MAP2K1: variants seen among roughly 807,000 people sequenced by gnomAD.
MAP2K1 encodes the protein mitogen-activated protein kinase kinase 1.
In MAP2K1, 16 loss-of-function variants were observed where a neutral mutation model predicts 46.3. The observed-to-expected ratio is 0.35, with a 90% CI of 0.23 to 0.52. The LOEUF is 0.52. Among genes scored for constraint, MAP2K1 ranks in the 20% least tolerant of loss-of-function variants. The probability of loss-of-function intolerance (pLI) is 0.94; values close to 1 mark genes in which losing one functional copy is unlikely to be tolerated. For synonymous variants in MAP2K1, 183 were observed against 185.6 expected, an observed-to-expected ratio of 0.99 and a Z score of 0.11; for missense variants, 263 against 497.1, an observed-to-expected ratio of 0.53 and a Z score of 4.48.
chr15:66,390,539 G>C (rs1328291667), intron 1 of MAP2K1, among the ~76,000 whole-genome samples: 2 of 152,138 alleles, frequency 1.3e-5, no homozygotes, highest in Non-Finnish European at 2.9e-5. Context: ...GATGGAGTTG[G>C]GTAATACGGG....
chr15:66,434,977 G>C (rs2140578079), intron 1 of MAP2K1, 50 bp from the exon 2 acceptor site: 2 of 1,211,030 alleles, frequency 1.7e-6, no homozygotes, highest in Admixed American at 1.7e-5. Context: ...ACTTCTTTGG[G>C]TTGACTTCTC....
At chr15:66,432,923 T>A (rs1344190078) in intron 1 of MAP2K1, among the ~76,000 whole-genome samples, 1 of 151,040 alleles carries the variant, frequency 6.6e-6, no homozygotes, top group Non-Finnish European at 1.5e-5. Context: ...CAGTTTTTCT[T>A]CCATGCAGCC....
intron 1 of MAP2K1, among the ~76,000 whole-genome samples, chr15:66,402,225 A>G (rs891201313): frequency 6.6e-6 from 1 of 152,208 alleles, no homozygotes; most frequent in Admixed American, 6.5e-5. Flanking sequence ...TCTCTACACA[A>G]CTAGCAGGAA....
At chr15:66,439,003 G>A (rs950952256) in intron 3 of MAP2K1, among the ~76,000 whole-genome samples, 3 of 152,206 alleles carry the variant, frequency 2.0e-5, no homozygotes, top group African/African-American at 7.2e-5. Flanking sequence ...CATGTAGGAA[G>A]CAGCTGTGGC....
chr15:66,392,434 T>G (rs6494570), intron 1 of MAP2K1, among the ~76,000 whole-genome samples: 1 of 151,312 alleles, frequency 6.6e-6, no homozygotes, highest in African/African-American at 2.4e-5. Flanking sequence ...CCACCTCATC[T>G]TCCCAAAGTG....
chr15:66,445,105 C>G (rs1891829434), intron 5 of MAP2K1: 1 of 148,490 alleles, frequency 6.7e-6, no homozygotes, highest in African/African-American at 2.6e-5. Context: ...GGTACAGTGG[C>G]TCATGCCTAT....
At chr15:66,422,548 C>G (rs1351841419) in intron 1 of MAP2K1, among the ~76,000 whole-genome samples, 1 of 152,050 alleles carries the variant, frequency 6.6e-6, no homozygotes, top group Non-Finnish European at 1.5e-5. Flanking sequence ...AGAAAACACT[C>G]TTAGGTGAAA....
rs2093424402 is a variant in MAP2K1, at chr15:66,416,311, C to T, written c.81-18716C>T. ...CTGTACTTCTTCTTAGTATCCTTTC[C>T]TATGTTTGGCTTACATTGTGATACA... On this transcript the variant is annotated intron_variant, in intron 1 of 10. Transcript: ENST00000307102. 4.6e-5 allele frequency among the ~76,000 whole-genome samples: 7 copies of T among 152,146 alleles called. No homozygotes were observed. The South Asian group carries it at 1.5e-3, about 32-fold the overall frequency.
intron 5 of MAP2K1, among the ~76,000 whole-genome samples, chr15:66,452,309 A>AAAT (rs1892049153): frequency 1.3e-5 from 2 of 149,612 alleles, no homozygotes; most frequent in Admixed American, 1.3e-4. Context: ...AAAAAGAAAA[A>AAAT]AAAAAGCTAA....
intron 1 of MAP2K1, among the ~76,000 whole-genome samples, chr15:66,413,094 C>G (rs536730372): frequency 2.6e-5 from 4 of 152,176 alleles, no homozygotes; most frequent in African/African-American, 9.6e-5. Context: ...CAGGGTTTCA[C>G]CATGTTGGCC....
intron 1 of MAP2K1, among the ~76,000 whole-genome samples, chr15:66,416,412 G>A (rs2093424719): frequency 6.6e-6 from 1 of 151,644 alleles, no homozygotes; most frequent in Non-Finnish European, 1.5e-5. Flanking sequence ...TGAGGACAGG[G>A]ATCTTGTTGT....
intron 3 of MAP2K1, among the ~76,000 whole-genome samples, chr15:66,442,020 C>A (rs1236985806): frequency 6.6e-6 from 1 of 152,118 alleles, no homozygotes; most frequent in Non-Finnish European, 1.5e-5. Context: ...AATGTAGAAC[C>A]CCTTAACGGG....
chr15:66,469,093 T>C (rs1892543817), intron 5 of MAP2K1, among the ~76,000 whole-genome samples: 1 of 151,374 alleles, frequency 6.6e-6, no homozygotes, highest in African/African-American at 2.4e-5. Flanking sequence ...CCGTCTCTAC[T>C]AAAAATACAA....
chr15:66,447,132 T>C (rs1344391315), intron 5 of MAP2K1, among the ~76,000 whole-genome samples: 3 of 151,686 alleles, frequency 2.0e-5, no homozygotes, highest in Non-Finnish European at 4.4e-5. Flanking sequence ...ACAAGCCCCG[T>C]AGATTAGGTG....
intron 1 of MAP2K1, among the ~76,000 whole-genome samples, chr15:66,388,689 A>C (rs907893): frequency 6.6e-6 from 1 of 151,560 alleles, no homozygotes; most frequent in East Asian, 2.0e-4. Flanking sequence ...CTAGATTTTA[A>C]TAACCCGGGG....
chr15:66,457,720 G>A (rs1386566626), intron 5 of MAP2K1, among the ~76,000 whole-genome samples: 1 of 152,026 alleles, frequency 6.6e-6, no homozygotes, highest in Admixed American at 6.6e-5. Flanking sequence ...CCAGCACTTT[G>A]GGAGATCAAG....
intron 1 of MAP2K1, among the ~76,000 whole-genome samples, chr15:66,431,886 G>A (rs1054317822): frequency 1.8e-4 from 28 of 152,064 alleles, no homozygotes; most frequent in African/African-American, 6.0e-4. Flanking sequence ...TGTTGTTCCC[G>A]CCCCTGTGCC....
intron 1 of MAP2K1, among the ~76,000 whole-genome samples, chr15:66,396,387 G>T (rs117792781): frequency 6.6e-6 from 1 of 151,136 alleles, no homozygotes; most frequent in Non-Finnish European, 1.5e-5. Flanking sequence ...TTCCTGCCTC[G>T]GCCTCCCAAG....
intron 5 of MAP2K1, among the ~76,000 whole-genome samples, chr15:66,474,324 A>C (rs1348845077): frequency 2.0e-5 from 3 of 152,306 alleles, no homozygotes; most frequent in East Asian, 3.9e-4. Flanking sequence ...AGGAGGTGGG[A>C]AACAACCTCT....
Sources: gnomAD v4.1 joint callset for allele counts (sites outside exome capture counted in the v4.1 genomes callset) on GRCh38, gnomAD v4.1.1 for gene constraint, MANE v1.5 for transcripts, NCBI Gene and HGNC (gene_info 2026-07-23, HGNC 2026-07-21) for gene names.